CIMAP2: variants seen among roughly 807,000 people sequenced by gnomAD.
The protein encoded by CIMAP2 is ciliary microtubule-associated protein 2.
chr1:54,822,707 T>C, the CIMAP2 span, among the ~76,000 whole-genome samples: 1 of 152,194 alleles, frequency 6.6e-6, no homozygotes, highest in Non-Finnish European at 1.5e-5. Flanking sequence ...GATTTCATCA[T>C]GTTTCCCAGG....
chr1:54,814,031 G>A, the CIMAP2 span: 1 of 1,531,392 alleles, frequency 6.5e-7, no homozygotes, highest in Non-Finnish European at 8.8e-7. Context: ...CTCCTTCCGG[G>A]GCTGGGCATG....
the CIMAP2 span, among the ~76,000 whole-genome samples, chr1:54,810,960 C>A: frequency 6.6e-6 from 1 of 152,244 alleles, no homozygotes; most frequent in Non-Finnish European, 1.5e-5. Context: ...CCCGTCCATG[C>A]TCTGTCTCAC....
At chr1:54,826,358 T>C in the CIMAP2 span, among the ~76,000 whole-genome samples, 1 of 152,132 alleles carries the variant, frequency 6.6e-6, no homozygotes, top group African/African-American at 2.4e-5. Flanking sequence ...CTGCATGGGC[T>C]AGAATGCTAG....
chr1:54,806,291 T>G, the CIMAP2 span: 1 of 1,392,182 alleles, frequency 7.2e-7, no homozygotes, highest in Non-Finnish European at 9.5e-7. Flanking sequence ...GAAGCCACGC[T>G]TGGCCTCGGG....
At chr1:54,838,494 A>AT in the CIMAP2 span, among the ~76,000 whole-genome samples, 3 of 151,168 alleles carry the variant, frequency 2.0e-5, no homozygotes, top group East Asian at 5.8e-4. Flanking sequence ...TTAAAAAAAA[A>AT]AATCATCTCT....
the CIMAP2 span, among the ~76,000 whole-genome samples, chr1:54,831,937 C>T: frequency 1.3e-5 from 2 of 152,228 alleles, no homozygotes; most frequent in African/African-American, 4.8e-5. Context: ...GCCTTGACCT[C>T]CCGGCCTCGA....
At chr1:54,825,783 T>C in the CIMAP2 span, among the ~76,000 whole-genome samples, 41 of 151,924 alleles carry the variant, frequency 2.7e-4, no homozygotes, top group Non-Finnish European at 5.4e-4. Flanking sequence ...GTAGTGGCAA[T>C]GGGCCAAACT....
At chr1:54,809,077 T>C in the CIMAP2 span, among the ~76,000 whole-genome samples, 2 of 152,226 alleles carry the variant, frequency 1.3e-5, no homozygotes, top group African/African-American at 4.8e-5. Flanking sequence ...CTGGCACACA[T>C]AGGCACGCAA....
the CIMAP2 span, chr1:54,812,145 G>A: frequency 2.6e-4 from 421 of 1,614,212 alleles, 1 homozygote; most frequent in African/African-American, 4.9e-3. Context: ...CACTTTCTCT[G>A]GTGATCGGAG....
chr1:54,832,563 A>G, the CIMAP2 span, among the ~76,000 whole-genome samples: 1 of 152,248 alleles, frequency 6.6e-6, no homozygotes, highest in Non-Finnish European at 1.5e-5. Context: ...AATGAAAACT[A>G]TAGATCAAAA....
chr1:54,837,321 C>A, the CIMAP2 span, among the ~76,000 whole-genome samples: 14 of 152,048 alleles, frequency 9.2e-5, no homozygotes, highest in Admixed American at 9.2e-4. Context: ...TGACATGGCC[C>A]GTTTGAGGCT....
the CIMAP2 span, among the ~76,000 whole-genome samples, chr1:54,828,675 C>T: frequency 9.0e-4 from 136 of 151,726 alleles, 2 homozygotes; most frequent in East Asian, 0.024. Context: ...ATTTTATTTT[C>T]GAGGGCTCTT....
chr1:54,813,684 CCTCCG>C, the CIMAP2 span: 2 of 597,556 alleles, frequency 3.3e-6, no homozygotes, highest in Non-Finnish European at 5.0e-6. Context: ...CGGCCTCCGG[CCTCCG>C]GGATGTCTGC....
the CIMAP2 span, among the ~76,000 whole-genome samples, chr1:54,839,542 TA>T: frequency 6.6e-6 from 1 of 151,168 alleles, no homozygotes; most frequent in African/African-American, 2.4e-5. Context: ...CACGCCCGAC[TA>T]ATTTTTGTAT....
At chr1:54,841,720 A>G in the CIMAP2 span, 79 of 1,585,300 alleles carry the variant, frequency 5.0e-5, no homozygotes, top group African/African-American at 8.9e-4. Context: ...TTCATTCCCT[A>G]TGGGTGTCCC....
the CIMAP2 span, among the ~76,000 whole-genome samples, chr1:54,831,109 T>C: frequency 6.6e-6 from 1 of 152,128 alleles, no homozygotes; most frequent in Admixed American, 6.5e-5. Flanking sequence ...GCAATCTAAA[T>C]CAAAGACAAT....
chr1:54,836,282 C>CGCCTGCCT, the CIMAP2 span, among the ~76,000 whole-genome samples: 3 of 150,630 alleles, frequency 2.0e-5, no homozygotes, highest in African/African-American at 7.4e-5. Flanking sequence ...CCTACCTGCC[C>CGCCTGCCT]GCCTGCCTGC....
At chr1:54,823,878 A>G in the CIMAP2 span, among the ~76,000 whole-genome samples, 2 of 152,116 alleles carry the variant, frequency 1.3e-5, no homozygotes, top group African/African-American at 2.4e-5. Flanking sequence ...GCTGCAAATA[A>G]TTTATTTCTT....
the CIMAP2 span, chr1:54,811,766 C>CCGGGGGGGGGGGGCG: frequency 1.5e-6 from 2 of 1,305,190 alleles, no homozygotes; most frequent in Non-Finnish European, 2.2e-6. Flanking sequence ...GTTCTGACAG[C>CCGGGGGGGGGGGGCG]CTCCATGCCC....
Sources: gnomAD v4.1 joint callset for allele counts (sites outside exome capture counted in the v4.1 genomes callset) on GRCh38, gnomAD v4.1.1 for gene constraint, MANE v1.5 for transcripts, NCBI Gene and HGNC (gene_info 2026-07-23, HGNC 2026-07-21) for gene names.